Variants in KREMEN1 observed in about 807,000 individuals in gnomAD.
KREMEN1 encodes the protein kringle containing transmembrane protein 1, also known as kremen protein 1.
In KREMEN1, 30 loss-of-function variants were observed where a neutral mutation model predicts 46.5. That is an observed-to-expected ratio of 0.65 (90% confidence interval 0.48 to 0.88). The LOEUF (loss-of-function observed/expected upper bound fraction) is 0.88, where lower values mean the gene tolerates loss of function less well. Ranked by LOEUF, KREMEN1 falls within the 40% of genes least tolerant of loss-of-function variation. The pLI is 0.00. For missense variants in KREMEN1, 533 were observed against 596.9 expected, an observed-to-expected ratio of 0.89 and a Z score of 1.11; for synonymous variants, 214 against 230.6, an observed-to-expected ratio of 0.93 and a Z score of 0.65.
At chr22:29,086,833 A>G (rs1218086252) in intron 1 of KREMEN1, among the ~76,000 whole-genome samples, 1 of 152,116 alleles carries the variant, frequency 6.6e-6, no homozygotes, top group Non-Finnish European at 1.5e-5. Context: ...ACCATGGCTC[A>G]CTGCAGCTTT....
At chr22:29,155,912 C>T (rs132290) in intron 9 of KREMEN1, among the ~76,000 whole-genome samples, 79,221 of 151,114 alleles carry the variant, frequency 0.52, 25,052 homozygotes, top group Non-Finnish European at 0.69. Context: ...TGAACTGAGA[C>T]GGTGCCACTG....
In KREMEN1 at chr22:29,143,984, G is replaced by A. The variant is rs1476373120; in HGVS notation, c.*1872G>A. ...AGTGCTGCAGCTGTAGTGGCTGCTGGTTGGGAGAGTAAGTGCCATCACTAA... is the reference window on the plus strand; with the variant it reads ...AGTGCTGCAGCTGTAGTGGCTGCTGATTGGGAGAGTAAGTGCCATCACTAA... On this transcript the variant is annotated 3_prime_UTR_variant, in exon 9 of 9. Transcript: ENST00000400335. 3.0e-6 allele frequency: 3 copies of A among 985,374 alleles called. No homozygotes were observed. In the East Asian group the frequency reaches 3.4e-4, roughly 112 times the overall value. 61.0% of individuals were successfully genotyped at this position (985,374 alleles called of 1,614,324 possible).
At position 29,142,574 on chromosome 22, in the gene KREMEN1, C is replaced by T; in HGVS notation, c.*462C>T. The T allele has an allele frequency of 1.0e-6, 1 of 985,948 alleles. No individual in the cohort carries two copies. Among genetic ancestry groups the T allele is most frequent in the Non-Finnish European group, 1.2e-6 (1 of 830,288 alleles). 61.1% of individuals were successfully genotyped at this position (985,948 alleles called of 1,614,324 possible). A position where few individuals can be genotyped will look rare whatever the true frequency, so the allele number is the denominator to read the frequency against. ...CTTTATGTCTTGGAACAGGGCCAGA[C>T]AGGGAGAACTCTCAGGTACTCTTGG... is the stretch of plus-strand genomic sequence containing the variant. On this transcript the variant is annotated 3_prime_UTR_variant, in exon 9 of 9. Coordinates refer to ENST00000400335, the MANE Select transcript of KREMEN1 (RefSeq NM_001039570.3).
chr22:29,082,948 C>G (rs114555559), intron 1 of KREMEN1, among the ~76,000 whole-genome samples: 2,609 of 152,160 alleles, frequency 0.017, 71 homozygotes, highest in African/African-American at 0.06. Flanking sequence ...TATGTGAAAA[C>G]TTTTTTTGAG....
At chr22:29,164,746 C>CAA (rs34444682) in intron 9 of KREMEN1, among the ~76,000 whole-genome samples, 6,793 of 66,478 alleles carry the variant, frequency 0.1, 559 homozygotes, top group Admixed American at 0.14. Flanking sequence ...AACTCCATCT[C>CAA]AAAAAAAAAA....
chr22:29,102,790 A>C (rs1260065465), intron 3 of KREMEN1, among the ~76,000 whole-genome samples: 1 of 152,172 alleles, frequency 6.6e-6, no homozygotes, highest in Non-Finnish European at 1.5e-5. Context: ...TAACCCTCTA[A>C]AATCTCTAAA....
intron 9 of KREMEN1, among the ~76,000 whole-genome samples, chr22:29,153,969 CAAA>C (rs132287): frequency 7.1e-6 from 1 of 140,530 alleles, no homozygotes. Context: ...GACTTCCTCT[CAAA>C]AAAAAAAAAA....
chr22:29,087,183 C>T (rs1265206741), intron 1 of KREMEN1, among the ~76,000 whole-genome samples: 4 of 152,008 alleles, frequency 2.6e-5, no homozygotes, highest in Non-Finnish European at 4.4e-5. Flanking sequence ...TGCTGTCTTG[C>T]TTTAAGATGC....
chr22:29,094,537 A>C (rs1256033455), intron 2 of KREMEN1, 117 bp downstream of exon 2: 1 of 741,250 alleles, frequency 1.3e-6, no homozygotes, highest in Non-Finnish European at 2.1e-6. Flanking sequence ...CAAGAGACTT[A>C]TCTTGTCAGT....
At chr22:29,156,788 T>C (rs1206924608) in intron 9 of KREMEN1, among the ~76,000 whole-genome samples, 2 of 152,176 alleles carry the variant, frequency 1.3e-5, no homozygotes, top group Non-Finnish European at 2.9e-5. Context: ...TGACATTGCA[T>C]TCACTAAACA....
intron 2 of KREMEN1, among the ~76,000 whole-genome samples, chr22:29,094,654 C>T (rs1385742034): frequency 1.4e-5 from 2 of 144,286 alleles, no homozygotes; most frequent in East Asian, 2.0e-4. Context: ...GACGGCGTCT[C>T]GCTCTGTCGC....
downstream of KREMEN1, among the ~76,000 whole-genome samples, chr22:29,149,566 A>G (rs2038899785): frequency 6.6e-6 from 1 of 152,154 alleles, no homozygotes; most frequent in Non-Finnish European, 1.5e-5. Context: ...AATATTTTTA[A>G]TGGCAGGAAA....
chr22:29,116,717 A>T (rs2038245641), intron 3 of KREMEN1, among the ~76,000 whole-genome samples: 1 of 152,212 alleles, frequency 6.6e-6, no homozygotes, highest in African/African-American at 2.4e-5. Context: ...GACCAAGATG[A>T]TCATCATCAA....
intron 9 of KREMEN1, among the ~76,000 whole-genome samples, chr22:29,161,566 A>G (rs1556021401): frequency 6.6e-6 from 1 of 152,030 alleles, no homozygotes; most frequent in Non-Finnish European, 1.5e-5. Context: ...TTACCAGCCA[A>G]AAAATGCTTT....
intron 3 of KREMEN1, among the ~76,000 whole-genome samples, chr22:29,115,344 C>T (rs138307026): frequency 9.9e-5 from 15 of 152,010 alleles, no homozygotes; most frequent in African/African-American, 3.1e-4. Flanking sequence ...GTATACTGCT[C>T]AGGTGATGGG....
At position 29,138,729 on chromosome 22, in the gene KREMEN1, A is replaced by G; in HGVS notation, c.1070A>G (p.Lys357Arg). The change falls in exon 7 of 9, where the codon AAA (lysine) becomes AGA (arginine). Residue 357 changes from lysine (K) to arginine (R), a missense_variant. Transcript: ENST00000400335. The part of the protein sequence containing the change: ...NLSVSAARSS[K>R]VLYVITTSPS... ...AGTGTCAGCGCTGCCCGGTCCTCCA[A>G]AGTCCTCTATGTCATCACCACCAGC... The G allele has an allele frequency of 6.2e-7, 1 of 1,614,208 alleles. No homozygotes were observed. The highest frequency in any genetic ancestry group is 8.5e-7 in the Non-Finnish European group (1 of 1,180,040).
chr22:29,130,389 A>G (rs2038513667), intron 5 of KREMEN1, among the ~76,000 whole-genome samples: 1 of 152,232 alleles, frequency 6.6e-6, no homozygotes, highest in Non-Finnish European at 1.5e-5. Flanking sequence ...CTGAGGTGCA[A>G]CATTATTTTA....
chr22:29,120,850 G>A (rs892812591), intron 3 of KREMEN1, among the ~76,000 whole-genome samples: 7 of 152,110 alleles, frequency 4.6e-5, no homozygotes, highest in African/African-American at 1.7e-4. Flanking sequence ...AAGCCACTAG[G>A]TTTGTGGTAA....
At chr22:29,136,268 G>A (rs545063345) in intron 5 of KREMEN1, among the ~76,000 whole-genome samples, 14 of 150,424 alleles carry the variant, frequency 9.3e-5, no homozygotes, top group African/African-American at 3.2e-4. Context: ...CTCCCCCAAA[G>A]CCTGCTTTTT....
Sources: allele counts gnomAD v4.1 joint callset (sites outside exome capture counted in the v4.1 genomes callset), GRCh38; gene constraint gnomAD v4.1.1; transcripts MANE v1.5; gene names NCBI Gene and HGNC (gene_info 2026-07-23, HGNC 2026-07-21).